The following ITCH variants were observed in gnomAD, a reference collection of about 807,000 sequenced individuals.
The protein encoded by ITCH is itchy E3 ubiquitin protein ligase.
In ITCH, 28 loss-of-function variants were observed where a neutral mutation model predicts 126.8. The ratio of observed to expected loss-of-function variants is 0.22; its 90% CI spans 0.16 to 0.30. The LOEUF (loss-of-function observed/expected upper bound fraction) is 0.30, where lower values mean the gene tolerates loss of function less well. Ranked by LOEUF, ITCH falls within the 10% of genes least tolerant of loss-of-function variation. ITCH has a pLI of 1.00. For synonymous variants in ITCH, 342 were observed against 340.0 expected (o/e 1.01, Z -0.06); for missense variants, 631 against 1,032.4 (o/e 0.61, Z 5.33).
intron 7 of ITCH, among the ~76,000 whole-genome samples, chr20:34,425,568 C>G (rs1158499519): frequency 6.6e-6 from 1 of 152,182 alleles, no homozygotes; most frequent in Non-Finnish European, 1.5e-5. Context: ...AGGAGAAAAC[C>G]GCCCCGTGGC....
intron 13 of ITCH, among the ~76,000 whole-genome samples, chr20:34,461,823 C>T (rs1031517178): frequency 6.7e-6 from 1 of 149,880 alleles, no homozygotes; most frequent in Admixed American, 6.6e-5. Flanking sequence ...ATGGTTAGAA[C>T]TTGGTTAACA....
chr20:34,369,248 G>T, intron 1 of ITCH, 146 bp from the exon 2 acceptor site: 1 of 363,480 alleles, frequency 2.8e-6, no homozygotes, highest in Non-Finnish European at 4.9e-6. Flanking sequence ...CAGAAGAATC[G>T]CTTGAACCCA....
intron 10 of ITCH, among the ~76,000 whole-genome samples, chr20:34,442,505 G>A (rs1031871278): frequency 3.3e-5 from 5 of 152,038 alleles, no homozygotes; most frequent in South Asian, 4.1e-4. Flanking sequence ...TTGTTTTCAC[G>A]CATATTTCTT....
At chr20:34,486,268 C>G (rs1989105355) in intron 20 of ITCH, among the ~76,000 whole-genome samples, 1 of 151,936 alleles carries the variant, frequency 6.6e-6, no homozygotes, top group African/African-American at 2.4e-5. Context: ...GATACTCCCA[C>G]TTTGGTCTCC....
chr20:34,486,744 C>T (rs1188998560), intron 20 of ITCH, among the ~76,000 whole-genome samples: 3 of 151,870 alleles, frequency 2.0e-5, no homozygotes, highest in Non-Finnish European at 4.4e-5. Context: ...GTCACCCAGG[C>T]TGGAGTGCAG....
At chr20:34,380,266 T>G (rs895285138) in intron 2 of ITCH, among the ~76,000 whole-genome samples, 42 of 152,176 alleles carry the variant, frequency 2.8e-4, no homozygotes, top group African/African-American at 1.0e-3. Context: ...CCTTTTTAAA[T>G]GCTGAGTAAT....
intron 19 of ITCH, 115 bp downstream of exon 19, chr20:34,480,847 A>G (rs1006851167): frequency 1.1e-4 from 110 of 1,016,780 alleles, no homozygotes; most frequent in Middle Eastern, 3.1e-4. Flanking sequence ...TAAATGATCT[A>G]TATATCAAAC....
chr20:34,442,376 A>C (rs1208401572), intron 10 of ITCH, 73 bp downstream of exon 10: 1 of 1,099,234 alleles, frequency 9.1e-7, no homozygotes, highest in Non-Finnish European at 1.4e-6. Flanking sequence ...AATCTTCCCT[A>C]CATTTCTGTT....
chr20:34,449,078 G>T (rs1984831051), intron 11 of ITCH, among the ~76,000 whole-genome samples: 1 of 151,780 alleles, frequency 6.6e-6, no homozygotes, highest in South Asian at 2.1e-4. Context: ...TATTGTAAAT[G>T]ACTTTTGGGG....
At chr20:34,380,711 A>G (rs1043889169) in intron 2 of ITCH, among the ~76,000 whole-genome samples, 4 of 142,780 alleles carry the variant, frequency 2.8e-5, no homozygotes, top group Admixed American at 2.2e-4. Flanking sequence ...TTTGCCTCCT[A>G]AGGTGCTATG....
At chr20:34,473,242 GT>G (rs1447958365) in intron 16 of ITCH, among the ~76,000 whole-genome samples, 1 of 152,194 alleles carries the variant, frequency 6.6e-6, no homozygotes, top group Admixed American at 6.5e-5. Flanking sequence ...AGCACAACTG[GT>G]TATGGGGGAA....
At position 34,449,840 on chromosome 20, in the gene ITCH, C is replaced by T. The variant is rs1984974151; in HGVS notation, c.1210+360C>T. ...GAAAGTCAGTCTCAAAAGATCACAA[C>T]CTGTGTGATTCAATTCATATAACAT... is the stretch of plus-strand genomic sequence containing the variant. On this transcript the variant is annotated intron_variant, in intron 12 of 24. Transcript: ENST00000374864. Among the ~76,000 whole-genome samples the T allele has an allele frequency of 2.0e-5, 3 of 152,086 alleles. No individual in the cohort carries two copies. The South Asian group carries it at 6.2e-4, about 32-fold the overall frequency.
At chr20:34,385,220 TG>T (rs200675558) in intron 2 of ITCH, among the ~76,000 whole-genome samples, 165 of 29,132 alleles carry the variant, frequency 5.7e-3, no homozygotes, top group Middle Eastern at 0.013. Context: ...TGTGTGTGTG[TG>T]GTTTTTTTTT....
chr20:34,483,457 C>T (rs1441222103), intron 20 of ITCH, among the ~76,000 whole-genome samples: 2 of 152,142 alleles, frequency 1.3e-5, no homozygotes, highest in Non-Finnish European at 2.9e-5. Context: ...CTCTCAAGTA[C>T]AATCGTCTCT....
intron 6 of ITCH, among the ~76,000 whole-genome samples, chr20:34,423,232 T>G (rs1351195311): frequency 6.6e-6 from 1 of 152,232 alleles, no homozygotes; most frequent in African/African-American, 2.4e-5. Context: ...GCGTGTTTCA[T>G]TAGTTTGTTC....
intron 7 of ITCH, among the ~76,000 whole-genome samples, chr20:34,429,777 T>C (rs1268221172): frequency 6.6e-6 from 1 of 151,130 alleles, no homozygotes; most frequent in Non-Finnish European, 1.5e-5. Flanking sequence ...ATGTTTATTA[T>C]TAGAAAATAA....
chr20:34,438,534 C>G lies in ITCH; in HGVS notation c.582C>G (p.Val194=), dbSNP rs1983327847. 1 of 1,613,726 alleles carries G rather than the reference C, an allele frequency of 6.2e-7. No homozygotes were observed. Among genetic ancestry groups the G allele is most frequent in the Admixed American group, 1.7e-5 (1 of 59,986 alleles). The change falls in exon 8 of 25, where the codon GTC becomes GTG. Residue 194 remains valine, a synonymous_variant. Coordinates refer to ENST00000374864, the MANE Select transcript of ITCH (RefSeq NM_031483.7). ...EDAGAGENRR[V]SGNNSPSLSN... is the part of the protein sequence containing the mutation. ...CAGGAGCTGGTGAAAATAGGAGAGT[C>G]AGTGGGAATAATTCTCCATCACTCT...
In ITCH at chr20:34,453,667, T is replaced by C. The variant is rs149882126; in HGVS notation, c.1211-3723T>C. On this transcript the variant is annotated intron_variant, in intron 12 of 24. Coordinates refer to ENST00000374864, the MANE Select transcript of ITCH (RefSeq NM_031483.7). ...TACTTAGGGTATTATTTTTAGGTTA[T>C]AAAAATTATTTGGATATATATTTTT... Among the ~76,000 whole-genome samples the C allele has an allele frequency of 6.5e-4, 99 of 152,290 alleles. 1 individual carries two copies. In the East Asian group the frequency reaches 0.018, roughly 28 times the overall value.
At chr20:34,415,797 G>A (rs945952909) in intron 6 of ITCH, among the ~76,000 whole-genome samples, 2 of 152,004 alleles carry the variant, frequency 1.3e-5, no homozygotes, top group Non-Finnish European at 2.9e-5. Flanking sequence ...CCTAAGCTTC[G>A]CCCATAGAAG....
Sources: allele counts gnomAD v4.1 joint callset (sites outside exome capture counted in the v4.1 genomes callset), GRCh38; gene constraint gnomAD v4.1.1; transcripts MANE v1.5; gene names NCBI Gene and HGNC (gene_info 2026-07-23, HGNC 2026-07-21).